The following FAM118B variants were observed in gnomAD, a reference collection of about 807,000 sequenced individuals.
FAM118B encodes SIR2 antiphage like 1.
A neutral mutation model predicts 38.5 loss-of-function variants in FAM118B; 24 were observed. That is an observed-to-expected ratio of 0.62 (90% confidence interval 0.45 to 0.88). The LOEUF is 0.88. Ranked by LOEUF, FAM118B falls within the 40% of genes least tolerant of loss-of-function variation. The pLI, the probability that FAM118B is intolerant of heterozygous loss-of-function variation, is 0.00. For synonymous variants in FAM118B, 138 were observed against 156.3 expected (o/e 0.88, Z 0.87); for missense variants, 334 against 420.0 (o/e 0.80, Z 1.79).
chr11:126,222,046 C>T (rs512577), intron 1 of FAM118B, among the ~76,000 whole-genome samples: 51,674 of 151,782 alleles, frequency 0.34, 9,645 homozygotes, highest in East Asian at 0.68. Context: ...ACGGCTTGTT[C>T]GTTTTTGTGA....
At chr11:126,213,178 T>A (rs1949914373) in intron 1 of FAM118B, among the ~76,000 whole-genome samples, 1 of 152,210 alleles carries the variant, frequency 6.6e-6, no homozygotes, top group Admixed American at 6.5e-5. Flanking sequence ...ACTCGATATC[T>A]GTTAGATGGC....
intron 6 of FAM118B, 62 bp downstream of exon 6, chr11:126,254,495 C>T: frequency 6.3e-7 from 1 of 1,593,932 alleles, no homozygotes; most frequent in Non-Finnish European, 8.6e-7. Flanking sequence ...TCTAAATATG[C>T]CATAGATCTT....
intron 2 of FAM118B, among the ~76,000 whole-genome samples, chr11:126,231,124 T>C (rs947338197): frequency 6.6e-6 from 1 of 152,238 alleles, no homozygotes; most frequent in Non-Finnish European, 1.5e-5. Flanking sequence ...AGGTTGCTGT[T>C]ACTTTGCTCA....
intron 8 of FAM118B, among the ~76,000 whole-genome samples, chr11:126,261,705 AC>A (rs1438637678): frequency 6.6e-6 from 1 of 152,188 alleles, no homozygotes; most frequent in Non-Finnish European, 1.5e-5. Context: ...TGAAAAAAGT[AC>A]TGCTGGGTGT....
At chr11:126,261,279 C>A in intron 7 of FAM118B, 146 bp from the exon 8 acceptor site, 1 of 645,138 alleles carries the variant, frequency 1.6e-6, no homozygotes, top group Non-Finnish European at 2.7e-6. Flanking sequence ...CTCTCTGCCT[C>A]CTTATCTTCT....
At position 126,240,903 on chromosome 11, in the gene FAM118B, G is replaced by A; in HGVS notation, c.198G>A (p.Lys66=). 1 of 1,614,192 alleles carries A rather than the reference G, an allele frequency of 6.2e-7. No homozygotes were observed. The highest frequency in any genetic ancestry group is 1.3e-5 in the African/African-American group (1 of 75,042). ...APQVPALKSW[K]GLIQALLDAA... ...AAGTTCCAGCCCTCAAATCCTGGAA[G>A]GGGTTAATTCAGGCCTTACTGGATG... Residue 66 remains lysine, a synonymous_variant, in exon 4 of 9, where the codon AAG becomes AAA. Coordinates refer to ENST00000533050, the MANE Select transcript of FAM118B (RefSeq NM_024556.4).
chr11:126,245,857 G>C (rs921971997), intron 4 of FAM118B, among the ~76,000 whole-genome samples: 1 of 151,952 alleles, frequency 6.6e-6, no homozygotes, highest in African/African-American at 2.4e-5. Context: ...TTAGCTGGGC[G>C]TGGTGGCGCA....
Position 126,234,073 on chromosome 11 carries a change from C to T in FAM118B, c.-7-922C>T, listed in dbSNP as rs1435524345. Among the ~76,000 whole-genome samples, 6 of 152,102 alleles carry T rather than the reference C, an allele frequency of 3.9e-5. No homozygotes were observed. In the East Asian group the frequency reaches 1.2e-3, roughly 29 times the overall value. ...CTCTAGCCTGGACAACAGAGCAAGA[C>T]CCAGTCTCAAAAAAAGAAAAGAAAA... On this transcript the variant is annotated intron_variant, in intron 2 of 8. Coordinates refer to ENST00000533050, the MANE Select transcript of FAM118B (RefSeq NM_024556.4).
chr11:126,251,871 G>A (rs1456900821), intron 5 of FAM118B, among the ~76,000 whole-genome samples: 2 of 151,518 alleles, frequency 1.3e-5, no homozygotes, highest in Non-Finnish European at 2.9e-5. Flanking sequence ...TGGTAGAGAC[G>A]GGGTTTCTCC....
At chr11:126,223,137 T>G (rs1162009772) in intron 1 of FAM118B, among the ~76,000 whole-genome samples, 1 of 151,832 alleles carries the variant, frequency 6.6e-6, no homozygotes, top group African/African-American at 2.4e-5. Context: ...AAGAGGCCTG[T>G]GCGCCTCAAG....
chr11:126,219,391 A>T (rs1591500726), intron 1 of FAM118B, among the ~76,000 whole-genome samples: 1 of 42,314 alleles, frequency 2.4e-5, no homozygotes, highest in Non-Finnish European at 4.3e-5. Flanking sequence ...TTTTTTTTTG[A>T]GAGTCTCTCT....
rs1950076430 is a variant in FAM118B at position 126,222,464 on chromosome 11, TGA to T, written c.-76-6757_-76-6756del. 2.0e-5 allele frequency among the ~76,000 whole-genome samples: 3 copies of T among 152,214 alleles called. No individual in the cohort carries two copies. The South Asian group carries it at 6.2e-4, about 32-fold the overall frequency. ...AGGAGAACTACAAATGGAAGTGGAC[TGA>T]GAGGAAAGTGCATGTAGCTTTGTTT... On this transcript the variant is annotated intron_variant, in intron 1 of 8. Transcript: ENST00000533050.
rs1950400478 is a variant in FAM118B, at chr11:126,244,785, A to G, written c.339+3741A>G. On this transcript the variant is annotated intron_variant, in intron 4 of 8. Coordinates refer to ENST00000533050, the MANE Select transcript of FAM118B (RefSeq NM_024556.4). The surrounding 1 kb of genome is among the most constrained non-coding windows in gnomAD (Gnocchi z 4.5). ...TCCACTGCACTCCAGCCTGGGCAAC[A>G]AGAGCGAAACTCCATCTCAAAAAAT... Among the ~76,000 whole-genome samples, 1 of 152,190 alleles carries G rather than the reference A, an allele frequency of 6.6e-6. No homozygotes were observed. Among genetic ancestry groups the G allele is most frequent in the Non-Finnish European group, 1.5e-5 (1 of 68,028 alleles).
intron 1 of FAM118B, among the ~76,000 whole-genome samples, chr11:126,219,433 G>A (rs1018969147): frequency 8.1e-6 from 1 of 123,590 alleles, no homozygotes; most frequent in African/African-American, 3.2e-5. Flanking sequence ...GCATGATCAT[G>A]ACTCACTGCA....
At chr11:126,259,674 C>G (rs944060454) in intron 7 of FAM118B, among the ~76,000 whole-genome samples, 1 of 151,702 alleles carries the variant, frequency 6.6e-6, no homozygotes, top group Non-Finnish European at 1.5e-5. Flanking sequence ...ATCCACCCGC[C>G]CTGGCCTCCC....
At position 126,252,727 on chromosome 11, in the gene FAM118B, C is replaced by T. The variant is rs557687897; in HGVS notation, c.568-1578C>T. 2.6e-5 allele frequency among the ~76,000 whole-genome samples: 4 copies of T among 151,748 alleles called. No individual in the cohort carries two copies. Among genetic ancestry groups the T allele is most frequent in the Non-Finnish European group, 4.4e-5 (3 of 67,916 alleles). On this transcript the variant is annotated intron_variant, in intron 5 of 8. Coordinates refer to ENST00000533050, the MANE Select transcript of FAM118B (RefSeq NM_024556.4). This position sits in a 1 kb window ranked among gnomAD's most constrained non-coding sequence, Gnocchi z 4.7. ...TGTTGCACTCCAGCCTGGGTGACAG[C>T]ATAAGATCATGTCTCTAAATAAATA... is the stretch of plus-strand genomic sequence containing the variant.
At position 126,256,261 on chromosome 11, in the gene FAM118B, G is replaced by A. The variant is rs761868340; in HGVS notation, c.697-306G>A. 2.1e-4 allele frequency among the ~76,000 whole-genome samples: 32 copies of A among 152,170 alleles called. No homozygotes were observed. The highest frequency in any genetic ancestry group is 1.9e-4 in the East Asian group (1 of 5,198). ...AGCCCAGGTGAAAGAGTGAGACTCC[G>A]TCTCAAAAAATATATAAAGCATAAA... On this transcript the variant is annotated intron_variant, in intron 6 of 8. Coordinates refer to ENST00000533050, the MANE Select transcript of FAM118B (RefSeq NM_024556.4). This position sits in a 1 kb window ranked among gnomAD's most constrained non-coding sequence, Gnocchi z 6.6.
chr11:126,240,266 T>G (rs1308299867), intron 3 of FAM118B, among the ~76,000 whole-genome samples: 1 of 150,796 alleles, frequency 6.6e-6, no homozygotes, highest in African/African-American at 2.4e-5. Context: ...TATTGGCCAC[T>G]TTTTTTTTCT....
intron 1 of FAM118B, among the ~76,000 whole-genome samples, chr11:126,225,986 AAAG>A (rs1186747915): frequency 3.9e-5 from 6 of 152,350 alleles, no homozygotes; most frequent in South Asian, 2.1e-4. Context: ...GTCTCAAGAA[AAAG>A]AAGAAGATTA....
Sources: allele counts gnomAD v4.1 joint callset (sites outside exome capture counted in the v4.1 genomes callset), GRCh38; gene constraint gnomAD v4.1.1; non-coding constraint Gnocchi (gnomAD v3.1); transcripts MANE v1.5; gene names NCBI Gene and HGNC (gene_info 2026-07-23, HGNC 2026-07-21).